The following CADM2 variants were observed in gnomAD, a reference collection of about 807,000 sequenced individuals.
CADM2 encodes the protein cell adhesion molecule 2.
A neutral mutation model predicts 49.8 loss-of-function variants in CADM2; 12 were observed. That is an observed-to-expected ratio of 0.24 (90% CI 0.15 to 0.39). The LOEUF is 0.39. Ranked by LOEUF, CADM2 falls within the 10% of genes least tolerant of loss-of-function variation. The pLI is 1.00. For missense variants in CADM2, 378 were observed against 492.3 expected (o/e 0.77, Z 2.20); for synonymous variants, 214 against 175.4 (o/e 1.22, Z -1.74).
At chr3:84,978,333 T>C (rs2031959109) in intron 1 of CADM2, among the ~76,000 whole-genome samples, 1 of 152,138 alleles carries the variant, frequency 6.6e-6, no homozygotes, top group Non-Finnish European at 1.5e-5. Flanking sequence ...TTTTATTGCA[T>C]GAGTAAATAT....
At chr3:85,754,678 T>C (rs2107874338) in intron 2 of CADM2, among the ~76,000 whole-genome samples, 1 of 152,248 alleles carries the variant, frequency 6.6e-6, no homozygotes, top group Middle Eastern at 3.4e-3. Flanking sequence ...CCAAACAAGT[T>C]TTGTGAGAAT....
chr3:85,744,509 A>C (rs2068529007), intron 2 of CADM2, among the ~76,000 whole-genome samples: 1 of 151,824 alleles, frequency 6.6e-6, no homozygotes, highest in African/African-American at 2.4e-5. Flanking sequence ...ACCCACAAAA[A>C]ATAAAAAAAT....
At chr3:85,721,863 C>T (rs1307242185) in intron 1 of CADM2, among the ~76,000 whole-genome samples, 1 of 152,192 alleles carries the variant, frequency 6.6e-6, no homozygotes, top group African/African-American at 2.4e-5. Context: ...CTCTTTTAGC[C>T]TCATTTGTTG....
chr3:85,354,618 C>CAGAGAGAG (rs139421347), intron 1 of CADM2, among the ~76,000 whole-genome samples: 24,021 of 130,146 alleles, frequency 0.18, 2,370 homozygotes, highest in Non-Finnish European at 0.22. Flanking sequence ...GAATACCTAA[C>CAGAGAGAG]AGAGAGAGAG....
intron 9 of CADM2, 140 bp from the exon 10 acceptor site, chr3:86,066,525 T>G (rs1739361051): frequency 6.1e-6 from 4 of 656,484 alleles, no homozygotes; most frequent in Admixed American, 2.7e-5. Context: ...AAGAAAACAG[T>G]GCAACTTTAG....
chr3:85,766,118 A>T (rs2069644486), intron 2 of CADM2, among the ~76,000 whole-genome samples: 1 of 152,130 alleles, frequency 6.6e-6, no homozygotes, highest in Non-Finnish European at 1.5e-5. Flanking sequence ...AGTACATAGA[A>T]GAGAGTAATA....
At chr3:85,132,485 C>A (rs2107611813) in intron 1 of CADM2, among the ~76,000 whole-genome samples, 1 of 152,240 alleles carries the variant, frequency 6.6e-6, no homozygotes, top group Admixed American at 6.5e-5. Flanking sequence ...TACAAAATCA[C>A]CTTCCAGAGG....
chr3:85,585,798 C>T (rs1236027265), intron 1 of CADM2, among the ~76,000 whole-genome samples: 3 of 151,882 alleles, frequency 2.0e-5, no homozygotes, highest in Non-Finnish European at 2.9e-5. Flanking sequence ...CACCATGTTA[C>T]GTAAGTTGTT....
chr3:85,270,154 G>C (rs1454806377), intron 1 of CADM2, among the ~76,000 whole-genome samples: 1 of 151,082 alleles, frequency 6.6e-6, no homozygotes, highest in Non-Finnish European at 1.5e-5. Flanking sequence ...TGAATTTATT[G>C]ACCTGAGATA....
At chr3:85,856,981 A>T (rs1211237046) in intron 3 of CADM2, among the ~76,000 whole-genome samples, 12 of 152,206 alleles carry the variant, frequency 7.9e-5, no homozygotes, top group Admixed American at 7.9e-4. Context: ...AAACTAATTT[A>T]CTTACAAGCA....
intron 1 of CADM2, among the ~76,000 whole-genome samples, chr3:85,529,719 G>T (rs987904788): frequency 1.3e-5 from 2 of 151,888 alleles, no homozygotes. Context: ...GCATTTACCT[G>T]CCCTCAGCAT....
At chr3:85,763,175 GGA>G (rs2069478356) in intron 2 of CADM2, among the ~76,000 whole-genome samples, 1 of 152,112 alleles carries the variant, frequency 6.6e-6, no homozygotes, top group African/African-American at 2.4e-5. Context: ...CAGTTTGGAT[GGA>G]GAGCAATGAA....
At chr3:85,341,103 T>A (rs2045228368) in intron 1 of CADM2, among the ~76,000 whole-genome samples, 1 of 151,760 alleles carries the variant, frequency 6.6e-6, no homozygotes, top group Non-Finnish European at 1.5e-5. Context: ...CAGTTTTTTC[T>A]CTCTTGTCCT....
intron 6 of CADM2, among the ~76,000 whole-genome samples, chr3:85,923,640 A>C (rs903528967): frequency 6.6e-6 from 1 of 152,098 alleles, no homozygotes; most frequent in Non-Finnish European, 1.5e-5. Flanking sequence ...AAGAAAATCC[A>C]AAACCTGGGC....
chr3:85,148,182 G>A (rs1441968017), intron 1 of CADM2, among the ~76,000 whole-genome samples: 1 of 152,138 alleles, frequency 6.6e-6, no homozygotes, highest in Non-Finnish European at 1.5e-5. Context: ...GTCAACATGA[G>A]TTGATTCTCT....
chr3:85,105,399 C>T (rs1211011992), intron 1 of CADM2, among the ~76,000 whole-genome samples: 1 of 152,078 alleles, frequency 6.6e-6, no homozygotes, highest in African/African-American at 2.4e-5. Context: ...CAATGAGATA[C>T]CATCTCACAC....
intron 1 of CADM2, among the ~76,000 whole-genome samples, chr3:84,973,804 G>A (rs971380379): frequency 3.3e-5 from 5 of 152,058 alleles, no homozygotes; most frequent in African/African-American, 4.8e-5. Context: ...TAAAACTCCC[G>A]CCTTGCTTAT....
chr3:85,828,360 G>T (rs2074022922), intron 3 of CADM2, among the ~76,000 whole-genome samples: 1 of 151,854 alleles, frequency 6.6e-6, no homozygotes, highest in South Asian at 2.1e-4. Context: ...TTTAAAATAG[G>T]AATTTTAAAA....
chr3:85,409,599 G>A (rs1426633651), intron 1 of CADM2, among the ~76,000 whole-genome samples: 2 of 152,046 alleles, frequency 1.3e-5, no homozygotes, highest in South Asian at 2.1e-4. Context: ...ATGATCCAAC[G>A]TGAATTTTAA....
Sources: gnomAD v4.1 joint callset for allele counts (sites outside exome capture counted in the v4.1 genomes callset) on GRCh38, gnomAD v4.1.1 for gene constraint, MANE v1.5 for transcripts, NCBI Gene and HGNC (gene_info 2026-07-23, HGNC 2026-07-21) for gene names.